Variants in HIVEP1 observed in about 807,000 individuals in gnomAD.
The protein encoded by HIVEP1 is HIVEP zinc finger 1, also known as zinc finger protein 40.
A neutral mutation model predicts 180.0 loss-of-function variants in HIVEP1; 36 were observed. That is an observed-to-expected ratio of 0.20 (90% confidence interval 0.15 to 0.26). The LOEUF (loss-of-function observed/expected upper bound fraction) is 0.26, where lower values mean the gene tolerates loss of function less well. Ranked by LOEUF, HIVEP1 falls within the 10% of genes least tolerant of loss-of-function variation. HIVEP1 has a pLI of 1.00. For missense variants in HIVEP1, 3,143 were observed against 3,268.7 expected, an observed-to-expected ratio of 0.96 and a Z score of 0.94; for synonymous variants, 1,239 against 1,239.0, an observed-to-expected ratio of 1.00 and a Z score of 0.00.
intron 3 of HIVEP1, among the ~76,000 whole-genome samples, chr6:12,111,075 G>C (rs1010822282): frequency 1.3e-5 from 2 of 152,202 alleles, no homozygotes; most frequent in African/African-American, 4.8e-5. Flanking sequence ...AGTTTACTGT[G>C]TTACATGGGC....
chr6:12,107,114 C>T (rs1310580892), intron 3 of HIVEP1, among the ~76,000 whole-genome samples: 1 of 152,142 alleles, frequency 6.6e-6, no homozygotes, highest in Non-Finnish European at 1.5e-5. Context: ...CCTAGTGCTC[C>T]TTGAATATGC....
chr6:12,075,739 C>G (rs1436531106), intron 2 of HIVEP1, among the ~76,000 whole-genome samples: 1 of 151,668 alleles, frequency 6.6e-6, no homozygotes, highest in Non-Finnish European at 1.5e-5. Context: ...GCTACTTCCA[C>G]CCTCCCACAT....
intron 2 of HIVEP1, among the ~76,000 whole-genome samples, chr6:12,056,733 C>G (rs1177429716): frequency 6.6e-6 from 1 of 152,074 alleles, no homozygotes; most frequent in Admixed American, 6.6e-5. Flanking sequence ...TCTGGTAGTT[C>G]ACAGTTAAAT....
intron 3 of HIVEP1, among the ~76,000 whole-genome samples, chr6:12,111,036 C>G (rs1045273597): frequency 1.3e-5 from 2 of 152,170 alleles, no homozygotes; most frequent in African/African-American, 4.8e-5. Context: ...GTTGATGGAG[C>G]AGTGAGAACA....
At chr6:12,157,618 A>G (rs1244277465) in intron 7 of HIVEP1, among the ~76,000 whole-genome samples, 3 of 152,190 alleles carry the variant, frequency 2.0e-5, no homozygotes, top group African/African-American at 7.2e-5. Flanking sequence ...ATCTACTGTG[A>G]ACGCACAGTA....
chr6:12,062,104 C>T (rs1771277069), intron 2 of HIVEP1, among the ~76,000 whole-genome samples: 1 of 152,010 alleles, frequency 6.6e-6, no homozygotes, highest in South Asian at 2.1e-4. Flanking sequence ...GAAATGAATG[C>T]CAAATCTTTT....
At chr6:12,052,362 C>A (rs1157464302) in intron 2 of HIVEP1, among the ~76,000 whole-genome samples, 4 of 152,128 alleles carry the variant, frequency 2.6e-5, no homozygotes, top group African/African-American at 7.2e-5. Context: ...TTTATTAATA[C>A]ATTTTAACTT....
intron 2 of HIVEP1, among the ~76,000 whole-genome samples, chr6:12,032,420 G>A (rs1001007885): frequency 2.6e-5 from 4 of 152,114 alleles, no homozygotes; most frequent in African/African-American, 9.7e-5. Context: ...GGGATTACAG[G>A]CGTGAGCCAC....
chr6:12,190,805 A>G, the HIVEP1 span, among the ~76,000 whole-genome samples: 1 of 152,164 alleles, frequency 6.6e-6, no homozygotes, highest in Non-Finnish European at 1.5e-5. Context: ...TACCCGACAC[A>G]TTGCAACTGG....
At chr6:12,191,518 C>T in the HIVEP1 span, among the ~76,000 whole-genome samples, 1 of 152,238 alleles carries the variant, frequency 6.6e-6, no homozygotes, top group South Asian at 2.1e-4. Context: ...TGCTTGAGCC[C>T]AGAAGTTCAA....
chr6:12,211,950 T>C, the HIVEP1 span, among the ~76,000 whole-genome samples: 1 of 152,174 alleles, frequency 6.6e-6, no homozygotes, highest in African/African-American at 2.4e-5. Flanking sequence ...CAAGATGATA[T>C]ATAGCAACCA....
upstream of HIVEP1, among the ~76,000 whole-genome samples, chr6:12,010,927 C>T (rs762886852): frequency 1.3e-5 from 2 of 152,282 alleles, no homozygotes; most frequent in South Asian, 2.1e-4. Flanking sequence ...CGACCAGCCC[C>T]GCACCCCCCT....
intron 3 of HIVEP1, among the ~76,000 whole-genome samples, chr6:12,105,483 T>C (rs566257486): frequency 6.6e-6 from 1 of 152,324 alleles, no homozygotes; most frequent in South Asian, 2.1e-4. Flanking sequence ...TTTCACTATC[T>C]TTTTATTGCT....
rs776361057 is a variant in HIVEP1 at position 12,073,176 on chromosome 6, C to G, written c.41-16008C>G. Among the ~76,000 whole-genome samples, 43 of 152,220 alleles carry G rather than the reference C, an allele frequency of 2.8e-4. 1 individual carries two copies. The highest frequency in any genetic ancestry group is 8.3e-4 in the South Asian group (4 of 4,822). ...CTTTTAGAGTAGGTCTGTTGAGTTG[C>G]CCGTAGTCTGAAGTTTCAGTGGAAA... On this transcript the variant is annotated intron_variant, in intron 2 of 8. Transcript: ENST00000379388.
At chr6:12,112,280 G>A (rs986549356) in intron 3 of HIVEP1, among the ~76,000 whole-genome samples, 1 of 151,950 alleles carries the variant, frequency 6.6e-6, no homozygotes, top group Admixed American at 6.5e-5. Flanking sequence ...TATTCTCTGT[G>A]TGTAATGTTT....
intron 3 of HIVEP1, among the ~76,000 whole-genome samples, chr6:12,107,547 T>G (rs1002694302): frequency 6.6e-6 from 1 of 152,152 alleles, no homozygotes; most frequent in African/African-American, 2.4e-5. Flanking sequence ...GTTACAGTTC[T>G]TAAAGGCATG....
At chr6:12,092,278 T>C (rs1190620888) in intron 3 of HIVEP1, among the ~76,000 whole-genome samples, 2 of 152,190 alleles carry the variant, frequency 1.3e-5, no homozygotes, top group African/African-American at 4.8e-5. Context: ...CCAAACAATA[T>C]ATTTTCTAGT....
intron 2 of HIVEP1, among the ~76,000 whole-genome samples, chr6:12,041,444 A>AG (rs1769713762): frequency 1.4e-5 from 2 of 147,894 alleles, no homozygotes; most frequent in Admixed American, 1.3e-4. Flanking sequence ...AAAAAAAAAA[A>AG]GCCGGAGAAA....
intron 2 of HIVEP1, among the ~76,000 whole-genome samples, chr6:12,055,115 C>T (rs184508929): frequency 5.9e-5 from 9 of 152,242 alleles, no homozygotes; most frequent in South Asian, 4.1e-4. Context: ...ATAAACATTA[C>T]GAACCTAAAG....
Sources: gnomAD v4.1 joint callset for allele counts (sites outside exome capture counted in the v4.1 genomes callset) on GRCh38, gnomAD v4.1.1 for gene constraint, MANE v1.5 for transcripts, NCBI Gene and HGNC (gene_info 2026-07-23, HGNC 2026-07-21) for gene names.